ELMO1: variants seen among roughly 807,000 people sequenced by gnomAD.
ELMO1 encodes the protein engulfment and cell motility protein 1.
ELMO1 carries 26 observed loss-of-function variants against 98.9 expected under a neutral mutation model. The observed-to-expected ratio is 0.26, with a 90% confidence interval of 0.19 to 0.36. The LOEUF is 0.36. ELMO1 is among the 10% of genes least tolerant of loss of function. The pLI, the probability that ELMO1 is intolerant of heterozygous loss-of-function variation, is 1.00. For missense variants in ELMO1, 627 were observed against 935.2 expected (o/e 0.67, Z 4.30); for synonymous variants, 346 against 346.0 (o/e 1.00, Z 0.00).
chr7:37,171,510 T>TTTTTTG (rs1790160758), intron 13 of ELMO1, among the ~76,000 whole-genome samples: 1 of 141,570 alleles, frequency 7.1e-6, no homozygotes. Context: ...TTTTTTTTTT[T>TTTTTTG]GAGACAGAGT....
At chr7:36,950,980 AT>A (rs1238281870) in intron 16 of ELMO1, among the ~76,000 whole-genome samples, 1 of 152,132 alleles carries the variant, frequency 6.6e-6, no homozygotes, top group African/African-American at 2.4e-5. Context: ...GTCAATCATG[AT>A]TCCCCCTCTC....
chr7:37,389,462 G>A (rs575962816), intron 1 of ELMO1, among the ~76,000 whole-genome samples: 1 of 152,294 alleles, frequency 6.6e-6, no homozygotes, highest in Admixed American at 6.5e-5. Context: ...CCTCCATTGT[G>A]TTGATGCACA....
intron 2 of ELMO1, among the ~76,000 whole-genome samples, chr7:37,321,440 G>A (rs1024018163): frequency 3.3e-5 from 5 of 151,882 alleles, no homozygotes; most frequent in African/African-American, 9.7e-5. Context: ...CTAGGAGGCC[G>A]GGCGCGGTGG....
At chr7:37,143,779 C>T (rs756962022) in intron 13 of ELMO1, among the ~76,000 whole-genome samples, 38 of 141,174 alleles carry the variant, frequency 2.7e-4, no homozygotes, top group South Asian at 2.5e-4. Context: ...GGCATGATCT[C>T]GGCTCACTGC....
intron 1 of ELMO1, among the ~76,000 whole-genome samples, chr7:37,413,231 G>A (rs1804068295): frequency 6.6e-6 from 1 of 151,224 alleles, no homozygotes; most frequent in Admixed American, 6.6e-5. Flanking sequence ...CCTTCCCCTT[G>A]CACACAAGAC....
intron 1 of ELMO1, among the ~76,000 whole-genome samples, chr7:37,406,622 G>T (rs1803778128): frequency 6.6e-6 from 1 of 151,620 alleles, no homozygotes; most frequent in Non-Finnish European, 1.5e-5. Flanking sequence ...TTTTTTAGTA[G>T]AGACGGGGGA....
At chr7:37,329,736 T>C (rs910379978) in intron 2 of ELMO1, among the ~76,000 whole-genome samples, 3 of 152,178 alleles carry the variant, frequency 2.0e-5, no homozygotes, top group Admixed American at 6.5e-5. Flanking sequence ...CAGTTGTTCA[T>C]ACCAGAAATC....
In ELMO1 at chr7:37,215,902, G is replaced by A. The variant is rs182920175; in HGVS notation, c.831+743C>T. Among the ~76,000 whole-genome samples, 310 of 152,238 alleles carry A rather than the reference G, an allele frequency of 2.0e-3. 1 individual carries two copies. The highest frequency in any genetic ancestry group is 3.7e-3 in the Non-Finnish European group (255 of 68,020). ...GAATAATAATAAAACCTGCATTTGA[G>A]GACCAAGTGTTTTTAACTGTAAGCT... is the stretch of plus-strand genomic sequence containing the variant. On this transcript the variant is annotated intron_variant, in intron 11 of 21. Coordinates refer to ENST00000310758, the MANE Select transcript of ELMO1 (RefSeq NM_014800.11).
chr7:36,943,976 A>C (rs907534067), intron 16 of ELMO1, among the ~76,000 whole-genome samples: 19 of 152,202 alleles, frequency 1.2e-4, no homozygotes, highest in African/African-American at 4.1e-4. Context: ...GAAACATAAA[A>C]ATGATCAAGA....
At chr7:36,953,149 G>A (rs1246418707) in intron 16 of ELMO1, among the ~76,000 whole-genome samples, 2 of 151,804 alleles carry the variant, frequency 1.3e-5, no homozygotes, top group African/African-American at 4.8e-5. Context: ...TGTATTTTCA[G>A]TAGAGATGGG....
In ELMO1 at chr7:37,128,688, C is replaced by T. The variant is rs147208145; in HGVS notation, c.1191+4442G>A. 1.8e-3 allele frequency among the ~76,000 whole-genome samples: 277 copies of T among 152,170 alleles called. 1 individual carries two copies. The highest frequency in any genetic ancestry group is 6.3e-3 in the African/African-American group (261 of 41,494). ...TTATAACTGTTAGGAGGAACAAAAG[C>T]CATGATTCTCCAATGGTAAAAAAAG... is the stretch of plus-strand genomic sequence containing the variant. On this transcript the variant is annotated intron_variant, in intron 14 of 21. Coordinates refer to ENST00000310758, the MANE Select transcript of ELMO1 (RefSeq NM_014800.11).
chr7:36,957,347 C>G (rs1788546249), intron 16 of ELMO1, among the ~76,000 whole-genome samples: 1 of 152,192 alleles, frequency 6.6e-6, no homozygotes, highest in Non-Finnish European at 1.5e-5. Context: ...GACCACCGCC[C>G]TTTTTACTCC....
chr7:36,895,066 A>C (rs751696667), intron 16 of ELMO1, 49 bp from the exon 17 acceptor site: 2 of 1,601,660 alleles, frequency 1.2e-6, no homozygotes, highest in African/African-American at 1.3e-5. Flanking sequence ...GACCTTTCCC[A>C]TTCAGAAAAG....
intron 14 of ELMO1, among the ~76,000 whole-genome samples, chr7:37,110,317 G>A (rs936054631): frequency 1.3e-5 from 2 of 152,174 alleles, no homozygotes; most frequent in African/African-American, 4.8e-5. Context: ...CAGGTGCCCA[G>A]GGAACACCAG....
chr7:37,138,118 A>T lies in ELMO1; in HGVS notation c.1087-4884T>A, dbSNP rs150344681. On this transcript the variant is annotated intron_variant, in intron 13 of 21. Transcript: ENST00000310758. Reference sequence around the variant, plus strand: ...AAAGTTCATAGGATTAAATGCCTACATCGGAAGTCTGAAAGAGCACAAACA... The same window carrying T: ...AAAGTTCATAGGATTAAATGCCTACTTCGGAAGTCTGAAAGAGCACAAACA... 2.6e-5 allele frequency among the ~76,000 whole-genome samples: 4 copies of T among 152,322 alleles called. No homozygotes were observed. In the East Asian group the frequency reaches 7.7e-4, roughly 29 times the overall value.
chr7:36,884,402 G>T (rs139412719), intron 18 of ELMO1, among the ~76,000 whole-genome samples: 1,748 of 152,052 alleles, frequency 0.011, 14 homozygotes, highest in Middle Eastern at 0.051. Flanking sequence ...AATCTGCCAA[G>T]CATCAAAGTG....
intron 1 of ELMO1, among the ~76,000 whole-genome samples, chr7:37,393,011 C>A (rs1583677115): frequency 6.6e-6 from 1 of 152,264 alleles, no homozygotes; most frequent in South Asian, 2.1e-4. Context: ...CCTCCCCACC[C>A]CCAACTCATT....
intron 16 of ELMO1, among the ~76,000 whole-genome samples, chr7:36,974,589 C>A (rs896637245): frequency 1.3e-5 from 2 of 151,620 alleles, no homozygotes; most frequent in African/African-American, 4.9e-5. Context: ...GTAAACGCAC[C>A]AATCAGCGCC....
At chr7:37,094,387 T>C (rs1784269402) in intron 15 of ELMO1, among the ~76,000 whole-genome samples, 2 of 152,056 alleles carry the variant, frequency 1.3e-5, no homozygotes, top group African/African-American at 4.8e-5. Context: ...ACAAATGGAG[T>C]TCTGCCCTGA....
Sources: gnomAD v4.1 joint callset for allele counts (sites outside exome capture counted in the v4.1 genomes callset) on GRCh38, gnomAD v4.1.1 for gene constraint, MANE v1.5 for transcripts, NCBI Gene and HGNC (gene_info 2026-07-23, HGNC 2026-07-21) for gene names.